The following UBE2QL1 variants were observed in gnomAD, a reference collection of about 807,000 sequenced individuals.
The protein encoded by UBE2QL1 is ubiquitin-conjugating enzyme E2Q-like protein 1.
UBE2QL1 carries 5 observed loss-of-function variants against 12.6 expected under a neutral mutation model. The observed-to-expected ratio is 0.40, with a 90% CI of 0.21 to 0.83. The LOEUF (loss-of-function observed/expected upper bound fraction) is 0.83. Among genes scored for constraint, UBE2QL1 ranks in the 40% least tolerant of loss-of-function variants. UBE2QL1 has a pLI of 0.37. For synonymous variants in UBE2QL1, 96 were observed against 94.5 expected (o/e 1.02, Z -0.10); for missense variants, 99 against 222.6 (o/e 0.44, Z 3.53).
chr5:6,466,944 C>G (rs1434374069), intron 1 of UBE2QL1, among the ~76,000 whole-genome samples: 1 of 152,174 alleles, frequency 6.6e-6, no homozygotes, highest in African/African-American at 2.4e-5. Context: ...TCAAGAGGCA[C>G]TAAATGGAGG....
intron 1 of UBE2QL1, among the ~76,000 whole-genome samples, chr5:6,463,450 T>C (rs1196782175): frequency 6.6e-6 from 1 of 151,952 alleles, no homozygotes; most frequent in East Asian, 1.9e-4. Context: ...AACAGGGTGG[T>C]GGCCTCACTT....
intron 1 of UBE2QL1, among the ~76,000 whole-genome samples, chr5:6,468,367 T>G (rs1739840378): frequency 6.6e-6 from 1 of 152,186 alleles, no homozygotes; most frequent in African/African-American, 2.4e-5. Context: ...GCTCCTGCTG[T>G]GTGCACTGGC....
intron 1 of UBE2QL1, among the ~76,000 whole-genome samples, chr5:6,469,758 C>T (rs893102787): frequency 6.6e-5 from 10 of 151,866 alleles, no homozygotes; most frequent in African/African-American, 1.2e-4. Flanking sequence ...TTTTTTCTTC[C>T]TCTAAGTGCT....
intron 1 of UBE2QL1, among the ~76,000 whole-genome samples, chr5:6,486,480 C>T (rs746560505): frequency 7.9e-5 from 12 of 152,194 alleles, no homozygotes; most frequent in Non-Finnish European, 1.6e-4. Flanking sequence ...TGTCTCAAGG[C>T]TTAGCTTACG....
At chr5:6,470,482 C>A (rs936725949) in intron 1 of UBE2QL1, among the ~76,000 whole-genome samples, 3 of 152,160 alleles carry the variant, frequency 2.0e-5, no homozygotes, top group Non-Finnish European at 2.9e-5. Context: ...GAGATACTGG[C>A]TGTTTTTCTG....
At chr5:6,468,256 C>G (rs6897026) in intron 1 of UBE2QL1, among the ~76,000 whole-genome samples, 2,751 of 152,280 alleles carry the variant, frequency 0.018, 98 homozygotes, top group African/African-American at 0.062. Flanking sequence ...GCCCTGTTCC[C>G]TCGCTCTGGT....
At chr5:6,486,215 C>T (rs893599111) in intron 1 of UBE2QL1, among the ~76,000 whole-genome samples, 1 of 152,030 alleles carries the variant, frequency 6.6e-6, no homozygotes, top group Non-Finnish European at 1.5e-5. Context: ...TTAAGTGATT[C>T]ACCCAAGGTC....
rs542506436 is a variant in UBE2QL1, at chr5:6,467,442, T to TCTC, written c.354+18199_354+18201dup. On this transcript the variant is annotated intron_variant, in intron 1 of 1. Coordinates refer to ENST00000399816, the MANE Select transcript of UBE2QL1 (RefSeq NM_001145161.3). Reference sequence around the variant, plus strand: ...TCTCCCTGGGTCCTCACAGGATCTGTCTCCTCTACGTGTGTCTGAATTTCC... The same window carrying TCTC: ...TCTCCCTGGGTCCTCACAGGATCTGTCTCCTCCTCTACGTGTGTCTGAATTTCC... Among the ~76,000 whole-genome samples, 15 of 152,264 alleles carry TCTC rather than the reference T, an allele frequency of 9.9e-5. 1 individual carries two copies. In the South Asian group the frequency reaches 2.9e-3, roughly 29 times the overall value.
intron 1 of UBE2QL1, among the ~76,000 whole-genome samples, chr5:6,465,979 G>T (rs946838123): frequency 3.3e-5 from 5 of 151,700 alleles, no homozygotes; most frequent in African/African-American, 9.7e-5. Context: ...CTGCCCAGGG[G>T]CCCCAGGCGA....
At chr5:6,451,622 T>C (rs1250529126) in intron 1 of UBE2QL1, among the ~76,000 whole-genome samples, 1 of 152,268 alleles carries the variant, frequency 6.6e-6, no homozygotes, top group Non-Finnish European at 1.5e-5. Flanking sequence ...TCAATTTCTT[T>C]GCATTTTTTC....
intron 1 of UBE2QL1, among the ~76,000 whole-genome samples, chr5:6,483,252 A>G (rs148529608): frequency 7.0e-4 from 106 of 152,174 alleles, no homozygotes; most frequent in African/African-American, 2.5e-3. Flanking sequence ...CCTGGCCAAC[A>G]TGGTGAAACC....
chr5:6,461,543 A>ACCCCCCCCCCCCCCCCCCCCCCCCC (rs71953375), intron 1 of UBE2QL1, among the ~76,000 whole-genome samples: 1 of 42,184 alleles, frequency 2.4e-5, no homozygotes, highest in African/African-American at 7.4e-5. Context: ...AGCACCCACC[A>ACCCCCCCCCCCCCCCCCCCCCCCCC]CCCCCCCCCG....
intron 1 of UBE2QL1, among the ~76,000 whole-genome samples, chr5:6,458,558 T>C (rs1473619049): frequency 6.6e-6 from 1 of 152,216 alleles, no homozygotes; most frequent in African/African-American, 2.4e-5. Context: ...TCAATATGTA[T>C]GTATTAGGGT....
At chr5:6,451,248 A>ATTT (rs11385108) in intron 1 of UBE2QL1, among the ~76,000 whole-genome samples, 2,666 of 150,380 alleles carry the variant, frequency 0.018, 22 homozygotes, top group African/African-American at 0.035. Flanking sequence ...AGAAATGGGG[A>ATTT]TTTTTTTTTT....
intron 1 of UBE2QL1, among the ~76,000 whole-genome samples, chr5:6,467,774 G>A (rs566632261): frequency 6.8e-6 from 1 of 147,140 alleles, no homozygotes; most frequent in African/African-American, 2.5e-5. Context: ...CTCTCCACCC[G>A]CGCCCCCCAG....
chr5:6,486,310 GCACACACACACACAAGCA>G (rs1579302574), intron 1 of UBE2QL1, among the ~76,000 whole-genome samples: 1 of 148,804 alleles, frequency 6.7e-6, no homozygotes. Flanking sequence ...ACACACACAA[GCACACACACACACAAGCA>G]CACACACACA....
intron 1 of UBE2QL1, among the ~76,000 whole-genome samples, chr5:6,483,488 G>C (rs1734405089): frequency 2.0e-5 from 3 of 152,108 alleles, no homozygotes; most frequent in Admixed American, 2.0e-4. Context: ...ATGCACGGCA[G>C]GTGTGTTTGG....
At chr5:6,485,438 A>G (rs1262578196) in intron 1 of UBE2QL1, among the ~76,000 whole-genome samples, 1 of 152,220 alleles carries the variant, frequency 6.6e-6, no homozygotes, top group Admixed American at 6.5e-5. Context: ...ATGTCTTTCC[A>G]AAGCGGACCT....
In UBE2QL1 at chr5:6,496,258, ACT is replaced by A. The variant is rs1734663068; in HGVS notation, c.*4910_*4911del. On this transcript the variant is annotated 3_prime_UTR_variant, in exon 2 of 2. Coordinates refer to ENST00000399816, the MANE Select transcript of UBE2QL1 (RefSeq NM_001145161.3). ...CCTTCTACTGGTGGTAAATTAAGTG[ACT>A]GTCCTACTTTGTAGACATGCAATCG... Among the ~76,000 whole-genome samples the A allele has an allele frequency of 6.6e-6, 1 of 152,278 alleles. No homozygotes were observed. The highest frequency in any genetic ancestry group is 6.5e-5 in the Admixed American group (1 of 15,292).
Sources: allele counts gnomAD v4.1 joint callset (sites outside exome capture counted in the v4.1 genomes callset), GRCh38; gene constraint gnomAD v4.1.1; transcripts MANE v1.5; gene names NCBI Gene and HGNC (gene_info 2026-07-23, HGNC 2026-07-21).